Variants in PPP5C observed in about 807,000 individuals in gnomAD.
PPP5C encodes serine/threonine-protein phosphatase 5.
PPP5C carries 21 observed loss-of-function variants against 66.7 expected under a neutral mutation model. The observed-to-expected ratio is 0.31, with a 90% CI of 0.22 to 0.45. The LOEUF (loss-of-function observed/expected upper bound fraction) is 0.45. Ranked by LOEUF, PPP5C falls within the 20% of genes least tolerant of loss-of-function variation. PPP5C has a pLI of 1.00. For missense variants in PPP5C, 464 were observed against 675.9 expected (o/e 0.69, Z 3.48); for synonymous variants, 246 against 257.4 (o/e 0.96, Z 0.43).
chr19:46,384,960 G>C (rs1218814000), intron 7 of PPP5C, 51 bp downstream of exon 7: 2 of 1,336,812 alleles, frequency 1.5e-6, no homozygotes, highest in Non-Finnish European at 1.1e-6. Flanking sequence ...CCTGAGTGGG[G>C]CACTCACTCT....
rs565188831 is a variant in PPP5C, at chr19:46,355,397, G to A, written c.363+1408G>A. On this transcript the variant is annotated intron_variant, in intron 2 of 12. Transcript: ENST00000012443. Reference sequence around the variant, plus strand: ...GAGCCGCGAGTCTGCAGTTGGTCGCGGGGCTGAGAAGCACGAGTCTGCAGT... The same window carrying A: ...GAGCCGCGAGTCTGCAGTTGGTCGCAGGGCTGAGAAGCACGAGTCTGCAGT... Among the ~76,000 whole-genome samples, 21 of 151,290 alleles carry A rather than the reference G, an allele frequency of 1.4e-4. 1 individual carries two copies. In the South Asian group the frequency reaches 3.6e-3, roughly 26 times the overall value.
At chr19:46,363,307 C>A (rs1271473174) in intron 2 of PPP5C, among the ~76,000 whole-genome samples, 1 of 27,940 alleles carries the variant, frequency 3.6e-5, no homozygotes, top group African/African-American at 1.8e-4. Flanking sequence ...GACTCCATCT[C>A]AAAAAAAAAA....
chr19:46,363,307 CAAAAAAAAAAAAAAAAAAAA>C (rs1158423038), intron 2 of PPP5C, among the ~76,000 whole-genome samples: 3 of 27,938 alleles, frequency 1.1e-4, no homozygotes, highest in South Asian at 2.6e-3. Context: ...GACTCCATCT[CAAAAAAAAAAAAAAAAAAAA>C]AAAAAAAAAA....
chr19:46,378,422 G>A (rs1454527548), intron 4 of PPP5C, among the ~76,000 whole-genome samples: 1 of 152,160 alleles, frequency 6.6e-6, no homozygotes, highest in Non-Finnish European at 1.5e-5. Context: ...GGAAAATAGT[G>A]TGTATTTTGC....
intron 4 of PPP5C, among the ~76,000 whole-genome samples, chr19:46,377,756 C>T (rs1422360463): frequency 6.6e-6 from 1 of 152,206 alleles, no homozygotes; most frequent in African/African-American, 2.4e-5. Flanking sequence ...TATGGGCTTA[C>T]AGCGTTTAGT....
chr19:46,379,675 T>C (rs972293080), intron 4 of PPP5C, among the ~76,000 whole-genome samples: 10 of 152,226 alleles, frequency 6.6e-5, no homozygotes, highest in African/African-American at 2.4e-4. Context: ...TCATCTGTTT[T>C]ATTGAATTTT....
At chr19:46,369,728 C>G (rs1367089891) in intron 2 of PPP5C, among the ~76,000 whole-genome samples, 1 of 151,020 alleles carries the variant, frequency 6.6e-6, no homozygotes. Flanking sequence ...GAGTTCAGGA[C>G]CAGCCTGGCC....
Position 46,390,618 on chromosome 19 carries a change from G to T in PPP5C, c.*272G>T. ...GCATTCTGTGGGGAGGCCGTCCTCG[G>T]GGTGGGGTGGGGCCGAGTGGCTGCC... On this transcript the variant is annotated 3_prime_UTR_variant, in exon 13 of 13. Coordinates refer to ENST00000012443, the MANE Select transcript of PPP5C (RefSeq NM_006247.4). 7.5e-7 allele frequency: 1 copy of T among 1,337,786 alleles called. No homozygotes were observed. The highest frequency in any genetic ancestry group is 9.6e-7 in the Non-Finnish European group (1 of 1,037,048). The allele number at this position is 1,337,786 out of a possible 1,614,324, so 82.9% of individuals were successfully genotyped here. A position where few individuals can be genotyped will look rare whatever the true frequency, so the allele number is the denominator to read the frequency against.
intron 4 of PPP5C, chr19:46,381,596 A>G (rs1274832724): frequency 6.6e-6 from 1 of 152,182 alleles, no homozygotes; most frequent in Admixed American, 6.5e-5. Context: ...AAAAAATACA[A>G]AAATTAGCCA....
rs79887556 is a variant in PPP5C at position 46,385,356 on chromosome 19, G to T, written c.904+447G>T. Among the ~76,000 whole-genome samples, 309 of 152,276 alleles carry T rather than the reference G, an allele frequency of 2.0e-3. 2 individuals carry two copies. The highest frequency in any genetic ancestry group is 7.1e-3 in the African/African-American group (295 of 41,562). On this transcript the variant is annotated intron_variant, in intron 7 of 12. Coordinates refer to ENST00000012443, the MANE Select transcript of PPP5C (RefSeq NM_006247.4). ...TTTGGGTTCTCTTGATTGAAGTAGA[G>T]CCCGGAGCTGAGTGTGCTGGTTCAC...
In PPP5C at chr19:46,390,826, T is replaced by G; in HGVS notation, c.*480T>G. On this transcript the variant is annotated 3_prime_UTR_variant, in exon 13 of 13. Transcript: ENST00000012443. ...TATTTTATGTCTGTAATTAAATATGTTAAAATAAAGTCATTATCGGAAGTC... is the reference window on the plus strand; with the variant it reads ...TATTTTATGTCTGTAATTAAATATGGTAAAATAAAGTCATTATCGGAAGTC... 2 of 1,128,728 alleles carry G rather than the reference T, an allele frequency of 1.8e-6. No individual in the cohort carries two copies. The highest frequency in any genetic ancestry group is 2.2e-6 in the Non-Finnish European group (2 of 908,798). 69.9% of individuals were successfully genotyped at this position (1,128,728 alleles called of 1,614,324 possible).
chr19:46,382,889 T>G, intron 4 of PPP5C: 1 of 1,067,928 alleles, frequency 9.4e-7, no homozygotes, highest in Non-Finnish European at 1.1e-6. Flanking sequence ...ATAAATCATC[T>G]GCATTTCTAG....
At chr19:46,375,955 A>C (rs1299510476) in intron 3 of PPP5C, among the ~76,000 whole-genome samples, 1 of 152,030 alleles carries the variant, frequency 6.6e-6, no homozygotes, top group Non-Finnish European at 1.5e-5. Flanking sequence ...GAGATTGGAG[A>C]GCCATGGTCC....
At chr19:46,351,212 G>T (rs530852616) in intron 1 of PPP5C, among the ~76,000 whole-genome samples, 1 of 152,116 alleles carries the variant, frequency 6.6e-6, no homozygotes, top group African/African-American at 2.4e-5. Flanking sequence ...GCTTGATGAC[G>T]CCTGGGCAAA....
chr19:46,382,378 T>G (rs1972807487), intron 4 of PPP5C: 1 of 152,224 alleles, frequency 6.6e-6, no homozygotes, highest in Non-Finnish European at 1.5e-5. Flanking sequence ...TACCTTTGAT[T>G]TTGTTGCTTG....
chr19:46,379,261 C>T (rs2147393650), intron 4 of PPP5C, among the ~76,000 whole-genome samples: 1 of 152,148 alleles, frequency 6.6e-6, no homozygotes, highest in South Asian at 2.1e-4. Context: ...ACCATGTTGG[C>T]CAGGATGGCC....
intron 2 of PPP5C, among the ~76,000 whole-genome samples, chr19:46,356,348 T>C (rs1426895374): frequency 1.3e-5 from 2 of 152,266 alleles, no homozygotes; most frequent in African/African-American, 4.8e-5. Context: ...TCAGGCTCCA[T>C]GTGCCCTGGG....
Position 46,390,737 on chromosome 19 carries a change from G to T in PPP5C, c.*391G>T, listed in dbSNP as rs1158477587. 29 of 1,137,274 alleles carry T rather than the reference G, an allele frequency of 2.5e-5. No individual in the cohort carries two copies. The highest frequency in any genetic ancestry group is 3.1e-5 in the Non-Finnish European group (28 of 916,820). 70.4% of individuals were successfully genotyped at this position (1,137,274 alleles called of 1,614,324 possible). A position where few individuals can be genotyped will look rare whatever the true frequency, so the allele number is the denominator to read the frequency against. Reference sequence around the variant, plus strand: ...GAGAGAGGGTCAGCAGGGGGGCCCCGCCTGCGCCTCCCCTCCTATAGCCCC... The same window carrying T: ...GAGAGAGGGTCAGCAGGGGGGCCCCTCCTGCGCCTCCCCTCCTATAGCCCC... On this transcript the variant is annotated 3_prime_UTR_variant, in exon 13 of 13. Transcript: ENST00000012443.
At chr19:46,387,610 G>A (rs1460192265) in intron 9 of PPP5C, 157 bp downstream of exon 9, 1 of 1,537,232 alleles carries the variant, frequency 6.5e-7, no homozygotes, top group Admixed American at 2.0e-5. Context: ...TTGGGCCAGT[G>A]CACCTCCTTC....
Sources: allele counts gnomAD v4.1 joint callset (sites outside exome capture counted in the v4.1 genomes callset), GRCh38; gene constraint gnomAD v4.1.1; transcripts MANE v1.5; gene names NCBI Gene and HGNC (gene_info 2026-07-23, HGNC 2026-07-21).